FAM171B: variants seen among roughly 807,000 people sequenced by gnomAD.
FAM171B encodes the protein protein FAM171B.
A neutral mutation model predicts 75.6 loss-of-function variants in FAM171B; 19 were observed. That is an observed-to-expected ratio of 0.25 (90% CI 0.18 to 0.37). FAM171B has a LOEUF of 0.37. Ranked by LOEUF, FAM171B falls within the 10% of genes least tolerant of loss-of-function variation. The probability of loss-of-function intolerance (pLI) is 1.00; values close to 1 mark genes in which losing one functional copy is unlikely to be tolerated. For synonymous variants in FAM171B, 367 were observed against 361.7 expected (o/e 1.01, Z -0.17); for missense variants, 848 against 982.4 (o/e 0.86, Z 1.83).
chr2:186,705,640 A>T (rs185790203), intron 1 of FAM171B, among the ~76,000 whole-genome samples: 1 of 152,252 alleles, frequency 6.6e-6, no homozygotes, highest in Non-Finnish European at 1.5e-5. Flanking sequence ...TTCAGACTCA[A>T]ATAACATTTA....
chr2:186,750,631 T>C (rs1690438064), intron 4 of FAM171B, among the ~76,000 whole-genome samples: 1 of 152,214 alleles, frequency 6.6e-6, no homozygotes, highest in Non-Finnish European at 1.5e-5. Flanking sequence ...CAACTTTTAA[T>C]CTGAATGCTT....
intron 1 of FAM171B, among the ~76,000 whole-genome samples, chr2:186,710,230 G>A (rs1689791442): frequency 6.6e-6 from 1 of 152,170 alleles, no homozygotes; most frequent in Admixed American, 6.5e-5. Flanking sequence ...GGCTGACTAT[G>A]GCTGTTCTCC....
At position 186,761,239 on chromosome 2, in the gene FAM171B, A is replaced by G. The variant is rs1559094498; in HGVS notation, c.1136+3A>G. On this transcript the variant is annotated splice_donor_region_variant and intron_variant, in intron 7 of 7. Transcript: ENST00000304698. ...GCTGTACTACTTTGTTATTGCAGGT[A>G]AGAAAATGGCTATAAACACAGAAAA... 6.2e-7 allele frequency: 1 copy of G among 1,612,064 alleles called. No homozygotes were observed. The highest frequency in any genetic ancestry group is 8.5e-7 in the Non-Finnish European group (1 of 1,179,034).
At chr2:186,719,898 G>C (rs1468037929) in intron 1 of FAM171B, among the ~76,000 whole-genome samples, 1 of 152,038 alleles carries the variant, frequency 6.6e-6, no homozygotes, top group Non-Finnish European at 1.5e-5. Flanking sequence ...TGAAAAATTA[G>C]GTCTAAACAT....
intron 1 of FAM171B, among the ~76,000 whole-genome samples, chr2:186,722,593 G>A (rs1689972043): frequency 6.6e-6 from 1 of 152,132 alleles, no homozygotes; most frequent in Non-Finnish European, 1.5e-5. Flanking sequence ...CATTCATGTA[G>A]TAAATGAATG....
intron 5 of FAM171B, among the ~76,000 whole-genome samples, chr2:186,752,271 TA>T (rs774425889): frequency 1.3e-4 from 20 of 152,278 alleles, no homozygotes; most frequent in South Asian, 1.0e-3. Flanking sequence ...GATGGGACCC[TA>T]AACTGATCAT....
At position 186,709,734 on chromosome 2, in the gene FAM171B, G is replaced by A. The variant is rs141541663; in HGVS notation, c.238+15323G>A. On this transcript the variant is annotated intron_variant, in intron 1 of 7. Coordinates refer to ENST00000304698, the MANE Select transcript of FAM171B (RefSeq NM_177454.4). ...CATTTCCCCTAATGTATCATGAAAC[G>A]ACTTCTCTTCTTTCCCCTTCAGTGA... Among the ~76,000 whole-genome samples, 120 of 152,174 alleles carry A rather than the reference G, an allele frequency of 7.9e-4. 1 individual carries two copies. Among genetic ancestry groups the A allele is most frequent in the Middle Eastern group, 6.8e-3 (2 of 294 alleles).
chr2:186,754,121 TCA>T, intron 6 of FAM171B, 72 bp downstream of exon 6: 1 of 1,106,316 alleles, frequency 9.0e-7, no homozygotes, highest in South Asian at 1.5e-5. Flanking sequence ...GCAGCAGACC[TCA>T]GTTTTATTCT....
intron 2 of FAM171B, 70 bp downstream of exon 2, chr2:186,740,531 G>A: frequency 7.6e-7 from 1 of 1,309,154 alleles, no homozygotes; most frequent in Non-Finnish European, 1.1e-6. Context: ...TCTGTTTGGG[G>A]GATATCTTGT....
At chr2:186,699,402 C>A (rs944378622) in intron 1 of FAM171B, among the ~76,000 whole-genome samples, 5 of 152,082 alleles carry the variant, frequency 3.3e-5, no homozygotes, top group African/African-American at 9.7e-5. Flanking sequence ...TTTCATATAC[C>A]TGTTTGCCAT....
In FAM171B at chr2:186,740,281, C is replaced by A. The variant is rs34253610; in HGVS notation, c.292C>A (p.Leu98Met). The A allele has an allele frequency of 9.9e-6, 16 of 1,613,860 alleles. No individual in the cohort carries two copies. Among genetic ancestry groups the A allele is most frequent in the Non-Finnish European group, 1.4e-5 (16 of 1,179,928 alleles). ...GAATGACATCATCAGTCGTCAGTAC[C>A]TGAGCCAAGCAGTTGTAGAAGTGTT... The part of the protein sequence containing the change: ...QVNDIISRQY[L>M]SQAVVEVFVN... Residue 98 changes from leucine to methionine, a missense_variant, in exon 2 of 8, where the codon CTG (leucine) becomes ATG (methionine). This residue lies in a region of FAM171B where 665 missense variants were observed against 729.0 expected (regional missense o/e 0.91). Transcript: ENST00000304698.
intron 1 of FAM171B, among the ~76,000 whole-genome samples, chr2:186,698,289 T>A (rs529483495): frequency 6.6e-6 from 1 of 152,300 alleles, no homozygotes; most frequent in East Asian, 1.9e-4. Context: ...CAGAGAAAGC[T>A]TCTTGAGAGG....
intron 1 of FAM171B, among the ~76,000 whole-genome samples, chr2:186,728,511 C>G (rs552487805): frequency 6.6e-6 from 1 of 152,228 alleles, no homozygotes; most frequent in African/African-American, 2.4e-5. Context: ...TCTATTGTTT[C>G]CAACCAACTA....
At chr2:186,711,798 C>T (rs963373061) in intron 1 of FAM171B, among the ~76,000 whole-genome samples, 4 of 152,180 alleles carry the variant, frequency 2.6e-5, no homozygotes, top group African/African-American at 4.8e-5. Flanking sequence ...TGACACTGCC[C>T]TGCCTCTTTT....
chr2:186,694,254 C>G lies in FAM171B; in HGVS notation c.81C>G (p.Pro27=). 1.2e-6 allele frequency: 2 copies of G among 1,611,198 alleles called. No individual in the cohort carries two copies. Among genetic ancestry groups the G allele is most frequent in the Non-Finnish European group, 1.7e-6 (2 of 1,179,684 alleles). ...TGCTGCTGAAAGCGCGGCTGGTCCC[C>G]GCGGCCGCCAGAGCGGAACTCAGCC... is the stretch of plus-strand genomic sequence containing the variant. The part of the protein sequence containing the change: ...AVVLLKARLV[P]AAARAELSRS... The change falls in exon 1 of 8, where the codon CCC becomes CCG. Residue 27 remains proline, a synonymous_variant. Transcript: ENST00000304698.
intron 1 of FAM171B, among the ~76,000 whole-genome samples, chr2:186,737,204 G>A (rs1690214732): frequency 6.6e-6 from 1 of 152,236 alleles, no homozygotes; most frequent in Admixed American, 6.5e-5. Context: ...ATCTTTCACA[G>A]AGATGTGATA....
chr2:186,752,985 C>T (rs1012151152), intron 5 of FAM171B, among the ~76,000 whole-genome samples: 17 of 152,000 alleles, frequency 1.1e-4, no homozygotes, highest in African/African-American at 2.9e-4. Context: ...TCTATAAGAA[C>T]AATACCAACA....
intron 1 of FAM171B, among the ~76,000 whole-genome samples, chr2:186,717,914 G>A (rs886773208): frequency 1.3e-5 from 2 of 152,066 alleles, no homozygotes; most frequent in Non-Finnish European, 2.9e-5. Context: ...ATGGTCCATT[G>A]CTATTTTGCT....
Position 186,717,722 on chromosome 2 carries a change from C to T in FAM171B, c.239-22506C>T, listed in dbSNP as rs115814868. Among the ~76,000 whole-genome samples, 547 of 152,236 alleles carry T rather than the reference C, an allele frequency of 3.6e-3. 3 individuals are homozygous for T. The highest frequency in any genetic ancestry group is 0.013 in the African/African-American group (529 of 41,548). On this transcript the variant is annotated intron_variant, in intron 1 of 7. Coordinates refer to ENST00000304698, the MANE Select transcript of FAM171B (RefSeq NM_177454.4). ...TTCTGCTTGCTAAGGTGAAGAGAGA[C>T]TTTCTGGTGTCACCTTTCACTTCTA...
Sources: allele counts gnomAD v4.1 joint callset (sites outside exome capture counted in the v4.1 genomes callset), GRCh38; gene constraint gnomAD v4.1.1; regional missense constraint gnomAD v4.1.1; transcripts MANE v1.5; gene names NCBI Gene and HGNC (gene_info 2026-07-23, HGNC 2026-07-21).